The following KCNQ4 variants were observed in gnomAD, a reference collection of about 807,000 sequenced individuals.
KCNQ4 encodes the protein potassium voltage-gated channel subfamily Q member 4, also known as potassium voltage-gated channel subfamily KQT member 4.
KCNQ4 carries 31 observed loss-of-function variants against 72.6 expected under a neutral mutation model. The observed-to-expected ratio is 0.43, with a 90% CI of 0.32 to 0.58. The LOEUF is 0.58. Among genes scored for constraint, KCNQ4 ranks in the 20% least tolerant of loss-of-function variants. The pLI is 0.08. For synonymous variants in KCNQ4, 405 were observed against 403.7 expected (o/e 1.00, Z -0.04); for missense variants, 869 against 962.6 (o/e 0.90, Z 1.29).
chr1:40,833,805 T>TG (rs1465738079), intron 11 of KCNQ4, among the ~76,000 whole-genome samples: 8 of 142,756 alleles, frequency 5.6e-5, no homozygotes, highest in African/African-American at 2.1e-4. Context: ...GAGACCAGCC[T>TG]GGGCAGCATA....
intron 9 of KCNQ4, among the ~76,000 whole-genome samples, chr1:40,826,385 C>T (rs1273085151): frequency 6.6e-6 from 1 of 152,258 alleles, no homozygotes; most frequent in Non-Finnish European, 1.5e-5. Context: ...CTGGACCTGT[C>T]TCCAAGCCCA....
At chr1:40,816,356 C>T (rs1424095501) in intron 1 of KCNQ4, among the ~76,000 whole-genome samples, 1 of 152,172 alleles carries the variant, frequency 6.6e-6, no homozygotes, top group African/African-American at 2.4e-5. Context: ...CTCTCCTTCA[C>T]CCATCCACAT....
chr1:40,814,255 T>C (rs889816376), intron 1 of KCNQ4, among the ~76,000 whole-genome samples: 6 of 150,712 alleles, frequency 4.0e-5, no homozygotes, highest in Admixed American at 2.6e-4. Flanking sequence ...GGTTTCACGA[T>C]GTTGGCCAGG....
chr1:40,833,831 T>C (rs1011770477), intron 11 of KCNQ4, among the ~76,000 whole-genome samples: 22 of 120,926 alleles, frequency 1.8e-4, no homozygotes, highest in Non-Finnish European at 1.4e-4. Context: ...ATCTTGTCTT[T>C]GCAAAAAAAA....
chr1:40,832,996 C>T lies in KCNQ4; in HGVS notation c.1514-18C>T, dbSNP rs373982257. The T allele has an allele frequency of 1.0e-5, 16 of 1,604,470 alleles. No homozygotes were observed. Among genetic ancestry groups the T allele is most frequent in the African/African-American group, 1.3e-5 (1 of 74,740 alleles). On this transcript the variant is annotated intron_variant, in intron 10 of 13. Coordinates refer to ENST00000347132, the MANE Select transcript of KCNQ4 (RefSeq NM_004700.4). Reference sequence around the variant, plus strand: ...TGGCCCCTTTGGTGGGCCACTTGCCCCATACCTGCCTTTTCAGATGCCCCC... The same window carrying T: ...TGGCCCCTTTGGTGGGCCACTTGCCTCATACCTGCCTTTTCAGATGCCCCC...
intron 5 of KCNQ4, among the ~76,000 whole-genome samples, 160 bp from the exon 6 acceptor site, chr1:40,819,715 C>T (rs1031265759): frequency 6.6e-6 from 1 of 152,068 alleles, no homozygotes; most frequent in African/African-American, 2.4e-5. Flanking sequence ...TTTCCCCTGA[C>T]CAGCCCAGGA....
chr1:40,786,331 C>A (rs1472193027), intron 1 of KCNQ4, among the ~76,000 whole-genome samples: 3 of 152,222 alleles, frequency 2.0e-5, no homozygotes, highest in Admixed American at 6.5e-5. Context: ...AGGTGAAGGA[C>A]CTGCCTCCTG....
chr1:40,791,320 A>G (rs188166679), intron 1 of KCNQ4, among the ~76,000 whole-genome samples: 221 of 152,246 alleles, frequency 1.5e-3, no homozygotes, highest in East Asian at 7.1e-3. Flanking sequence ...TGCATAGGGT[A>G]CCAGGTAGGG....
chr1:40,823,662 C>T (rs776150194), intron 8 of KCNQ4, among the ~76,000 whole-genome samples: 4 of 152,150 alleles, frequency 2.6e-5, no homozygotes, highest in Non-Finnish European at 5.9e-5. Flanking sequence ...AACCCAGTGG[C>T]AAGAGTGAGT....
chr1:40,799,578 T>C (rs823686), intron 1 of KCNQ4, among the ~76,000 whole-genome samples: 82,045 of 152,120 alleles, frequency 0.54, 22,663 homozygotes, highest in East Asian at 0.75. Context: ...CTACCTGAGT[T>C]GAGGGTCCAG....
At chr1:40,820,128 G>A (rs1648243346) in intron 6 of KCNQ4, 37 bp from the exon 7 acceptor site, 2 of 1,578,060 alleles carry the variant, frequency 1.3e-6, no homozygotes, top group Non-Finnish European at 8.7e-7. Context: ...CCCCACCACT[G>A]CCAGCACATT....
chr1:40,812,260 C>G (rs1023806307), intron 1 of KCNQ4, among the ~76,000 whole-genome samples: 2 of 152,112 alleles, frequency 1.3e-5, no homozygotes, highest in African/African-American at 2.4e-5. Flanking sequence ...AACACAGGAT[C>G]TTTTCTTTTT....
intron 1 of KCNQ4, among the ~76,000 whole-genome samples, chr1:40,807,934 A>G (rs1395956787): frequency 1.3e-5 from 2 of 151,106 alleles, no homozygotes; most frequent in Non-Finnish European, 2.9e-5. Context: ...GCCTGGGAAA[A>G]TAGCAAGACC....
chr1:40,818,641 C>T lies in KCNQ4; in HGVS notation c.669C>T (p.Thr223=). 6.2e-7 allele frequency: 1 copy of T among 1,606,216 alleles called. No individual in the cohort carries two copies. The highest frequency in any genetic ancestry group is 2.2e-5 in the East Asian group (1 of 44,778). The change falls in exon 4 of 14, where the codon ACC becomes ACT. Residue 223 remains threonine (T), a synonymous_variant. Coordinates refer to ENST00000347132, the MANE Select transcript of KCNQ4 (RefSeq NM_004700.4). ...RMVRMDRRGG[T]WKLLGSVVYA... ...TGCGCATGGACCGCCGCGGCGGCAC[C>T]TGGAAGCTGCTGGGCTCAGTGGTCT...
intron 1 of KCNQ4, among the ~76,000 whole-genome samples, chr1:40,785,591 C>T (rs945271756): frequency 3.9e-5 from 6 of 152,028 alleles, no homozygotes; most frequent in East Asian, 1.9e-4. Flanking sequence ...CCTAACTGTC[C>T]GCAGTCCTTC....
At chr1:40,812,052 A>C (rs965725976) in intron 1 of KCNQ4, among the ~76,000 whole-genome samples, 1 of 152,106 alleles carries the variant, frequency 6.6e-6, no homozygotes, top group Non-Finnish European at 1.5e-5. Context: ...TGACCTCCAG[A>C]TACTGATCTC....
chr1:40,816,495 C>T (rs1648090543), intron 1 of KCNQ4, among the ~76,000 whole-genome samples: 1 of 152,190 alleles, frequency 6.6e-6, no homozygotes, highest in Non-Finnish European at 1.5e-5. Context: ...AGTCCTTCTT[C>T]CTCTTCGGGC....
chr1:40,809,821 T>C (rs1444373974), intron 1 of KCNQ4, among the ~76,000 whole-genome samples: 2 of 152,124 alleles, frequency 1.3e-5, no homozygotes, highest in African/African-American at 4.8e-5. Context: ...TCCCAGCACT[T>C]TGGGAGGCCG....
intron 1 of KCNQ4, among the ~76,000 whole-genome samples, chr1:40,792,545 C>G (rs890243594): frequency 2.0e-5 from 3 of 152,212 alleles, no homozygotes; most frequent in African/African-American, 7.2e-5. Context: ...ACACGGGGGC[C>G]TTTTCCACCT....
Sources: allele counts gnomAD v4.1 joint callset (sites outside exome capture counted in the v4.1 genomes callset), GRCh38; gene constraint gnomAD v4.1.1; transcripts MANE v1.5; gene names NCBI Gene and HGNC (gene_info 2026-07-23, HGNC 2026-07-21).